TRPS1: variants seen among roughly 807,000 people sequenced by gnomAD.
TRPS1 encodes zinc finger transcription factor Trps1.
Under a neutral mutation model 101.2 loss-of-function variants are expected in TRPS1, and 6 were observed. The ratio of observed to expected loss-of-function variants is 0.06; its 90% CI spans 0.03 to 0.12. The LOEUF (loss-of-function observed/expected upper bound fraction) is 0.12. Ranked by LOEUF, TRPS1 falls within the 10% of genes least tolerant of loss-of-function variation. The pLI is 1.00. For missense variants in TRPS1, 1,363 were observed against 1,567.0 expected, an observed-to-expected ratio of 0.87 and a Z score of 2.20; for synonymous variants, 578 against 589.8, an observed-to-expected ratio of 0.98 and a Z score of 0.29.
chr8:115,654,047 A>G (rs1811624981), intron 1 of TRPS1, among the ~76,000 whole-genome samples: 1 of 152,248 alleles, frequency 6.6e-6, no homozygotes, highest in Admixed American at 6.5e-5. Context: ...ACTATACAAT[A>G]TAACTATTAG....
chr8:115,591,417 T>C (rs1327956228), intron 4 of TRPS1, among the ~76,000 whole-genome samples: 2 of 152,208 alleles, frequency 1.3e-5, no homozygotes, highest in Non-Finnish European at 2.9e-5. Flanking sequence ...TCTTCACCTA[T>C]TATTTAACTA....
intron 5 of TRPS1, among the ~76,000 whole-genome samples, chr8:115,522,891 T>C (rs1165518913): frequency 6.6e-6 from 1 of 152,116 alleles, no homozygotes; most frequent in African/African-American, 2.4e-5. Flanking sequence ...TTTTTGTTGT[T>C]GTTGTTGTCT....
At chr8:115,629,529 T>A (rs1203165766) in intron 1 of TRPS1, among the ~76,000 whole-genome samples, 3 of 151,954 alleles carry the variant, frequency 2.0e-5, no homozygotes, top group Non-Finnish European at 2.9e-5. Context: ...AAAGAAGCTC[T>A]ATTTTTTCAA....
chr8:115,519,440 T>C (rs1012325730), intron 5 of TRPS1, among the ~76,000 whole-genome samples: 1 of 151,634 alleles, frequency 6.6e-6, no homozygotes, highest in Non-Finnish European at 1.5e-5. Context: ...TGGAATAAAC[T>C]AAAATCTCAT....
In TRPS1 at chr8:115,668,833, TAGGA is replaced by T. The variant is rs1812003703; in HGVS notation, c.-414_-411del. The T allele has an allele frequency of 7.5e-6, 1 of 134,116 alleles. No individual in the cohort carries two copies. Among genetic ancestry groups the T allele is most frequent in the African/African-American group, 3.0e-5 (1 of 33,756 alleles). The allele number at this position is 134,116 out of a possible 1,614,324, so 8.3% of individuals were successfully genotyped here. ...TTTGTTTAAAAAAAAAAAAAAGAAA[TAGGA>T]AGGCGAGAGAGCAATCGAGAGGACG... On this transcript the variant is annotated 5_prime_UTR_variant, in exon 1 of 7. Transcript: ENST00000395715.
chr8:115,596,134 T>C (rs1441787326), intron 4 of TRPS1, among the ~76,000 whole-genome samples: 2 of 151,986 alleles, frequency 1.3e-5, no homozygotes, highest in African/African-American at 4.8e-5. Context: ...CGTCTGGAAG[T>C]TGCAAGCACT....
intron 1 of TRPS1, among the ~76,000 whole-genome samples, chr8:115,628,057 AAT>A (rs1244475128): frequency 6.6e-6 from 1 of 151,852 alleles, no homozygotes; most frequent in Non-Finnish European, 1.5e-5. Flanking sequence ...TTATACCTGT[AAT>A]ATACTCTGTA....
At chr8:115,499,952 TTTC>T (rs749775071) in intron 5 of TRPS1, among the ~76,000 whole-genome samples, 1 of 52,460 alleles carries the variant, frequency 1.9e-5, no homozygotes, top group Admixed American at 1.9e-4. Flanking sequence ...TCTTTCTTTC[TTTC>T]TTTCTTTCTT....
chr8:115,531,738 A>C (rs1816136453), intron 5 of TRPS1, among the ~76,000 whole-genome samples: 1 of 152,146 alleles, frequency 6.6e-6, no homozygotes, highest in Admixed American at 6.6e-5. Context: ...AAGGGTTAAA[A>C]AAAACAAAGT....
At position 115,620,039 on chromosome 8, in the gene TRPS1, G is replaced by C; in HGVS notation, c.59C>G (p.Pro20Arg). The C allele has an allele frequency of 6.2e-7, 1 of 1,614,092 alleles. No homozygotes were observed. Reference sequence around the variant, plus strand: ...TTCACTTGCAACGTTTCTCAGAGGGGGGTTCTTTTTCCGGACCATATCTGC... The same window carrying C: ...TTCACTTGCAACGTTTCTCAGAGGGCGGTTCTTTTTCCGGACCATATCTGC... ...DFTNMVRKKN[P>R]PLRNVASEGE... is the part of the protein sequence containing the mutation. Residue 20 changes from proline to arginine, a missense_variant, in exon 3 of 7, where the codon CCC (proline) becomes CGC (arginine). This residue lies in a region of TRPS1 where 1,020 missense variants were observed against 1,073.0 expected (regional missense o/e 0.95). Coordinates refer to ENST00000395715, the MANE Select transcript of TRPS1 (RefSeq NM_014112.5).
intron 5 of TRPS1, among the ~76,000 whole-genome samples, chr8:115,456,729 T>G (rs1447450023): frequency 1.3e-5 from 2 of 152,052 alleles, no homozygotes; most frequent in African/African-American, 4.8e-5. Flanking sequence ...TTTTCTATTT[T>G]ACTCCCCCCC....
intron 5 of TRPS1, among the ~76,000 whole-genome samples, chr8:115,444,882 G>A (rs993728732): frequency 1.3e-5 from 2 of 152,130 alleles, no homozygotes; most frequent in African/African-American, 4.8e-5. Flanking sequence ...TCTATGAGGG[G>A]ATAGCTCCTT....
rs778946343 is a variant in TRPS1, at chr8:115,414,645, G to A, written c.3263C>T (p.Ala1088Val). Residue 1088 changes from alanine (A) to valine (V), a missense_variant, in exon 7 of 7, where the codon GCG becomes GTG. Around this residue, in one of 5 missense-constraint regions of TRPS1, gnomAD observed 307 missense variants for 392.4 expected, o/e 0.78. Transcript: ENST00000395715. The surrounding 1 kb of genome is among the most constrained non-coding windows in gnomAD (Gnocchi z 4.8). Reference sequence around the variant, plus strand: ...TGGTGGTGAATAATTTGGGTGTTTCGCAGGTCTCATGTACTTTTCTATAGG... The same window carrying A: ...TGGTGGTGAATAATTTGGGTGTTTCACAGGTCTCATGTACTTTTCTATAGG... ...GSPIEKYMRP[A>V]KHPNYSPPGS... 9 of 1,613,870 alleles carry A rather than the reference G, an allele frequency of 5.6e-6. No homozygotes were observed. The highest frequency in any genetic ancestry group is 4.0e-5 in the African/African-American group (3 of 74,876).
intron 1 of TRPS1, chr8:115,668,051 G>A (rs1001051065): frequency 4.9e-5 from 34 of 694,372 alleles, no homozygotes; most frequent in South Asian, 2.9e-4. Context: ...GGGGCTGCGA[G>A]GGGGAGGGGG....
intron 5 of TRPS1, among the ~76,000 whole-genome samples, chr8:115,458,476 C>G (rs1045280115): frequency 2.6e-5 from 4 of 152,220 alleles, no homozygotes; most frequent in Middle Eastern, 6.8e-3. Flanking sequence ...TCATTCAGGG[C>G]GACTTCTGTG....
At chr8:115,587,699 A>C in intron 4 of TRPS1, 95 bp from the exon 5 acceptor site, 1 of 1,585,292 alleles carries the variant, frequency 6.3e-7, no homozygotes, top group South Asian at 1.1e-5. Flanking sequence ...CTACCTACTC[A>C]TGCAATATAG....
At chr8:115,452,077 T>A (rs994228808) in intron 5 of TRPS1, among the ~76,000 whole-genome samples, 1 of 152,184 alleles carries the variant, frequency 6.6e-6, no homozygotes, top group African/African-American at 2.4e-5. Context: ...CTAACTTGAA[T>A]GGTAAGCGGC....
chr8:115,600,936 G>A (rs1307956753), intron 4 of TRPS1, among the ~76,000 whole-genome samples: 1 of 151,982 alleles, frequency 6.6e-6, no homozygotes, highest in South Asian at 2.1e-4. Flanking sequence ...GGGTATTATA[G>A]GTAAATACTA....
chr8:115,602,664 C>T (rs149068153), intron 4 of TRPS1, among the ~76,000 whole-genome samples: 129 of 152,220 alleles, frequency 8.5e-4, no homozygotes, highest in African/African-American at 3.0e-3. Context: ...TGCACTAACA[C>T]AAAACTTTTA....
Sources: gnomAD v4.1 joint callset for allele counts (sites outside exome capture counted in the v4.1 genomes callset) on GRCh38, gnomAD v4.1.1 for gene constraint, gnomAD v4.1.1 regional missense constraint, Gnocchi (gnomAD v3.1) non-coding constraint, MANE v1.5 for transcripts, NCBI Gene and HGNC (gene_info 2026-07-23, HGNC 2026-07-21) for gene names.